The following GSK3B variants were observed in gnomAD, a reference collection of about 807,000 sequenced individuals.
GSK3B encodes glycogen synthase kinase 3 beta.
A neutral mutation model predicts 56.4 loss-of-function variants in GSK3B; 15 were observed. The observed-to-expected ratio is 0.27, with a 90% confidence interval of 0.18 to 0.41. GSK3B has a LOEUF of 0.41. Ranked by LOEUF, GSK3B falls within the 10% of genes least tolerant of loss-of-function variation. The pLI, the probability that GSK3B is intolerant of heterozygous loss-of-function variation, is 1.00. For missense variants in GSK3B, 300 were observed against 513.4 expected, an observed-to-expected ratio of 0.58 and a Z score of 4.02; for synonymous variants, 181 against 188.9, an observed-to-expected ratio of 0.96 and a Z score of 0.34.
intron 2 of GSK3B, among the ~76,000 whole-genome samples, chr3:119,961,895 A>T (rs6774210): frequency 0.8 from 122,155 of 152,180 alleles, 49,954 homozygotes; most frequent in East Asian, 0.97. Context: ...AGGCTATGCG[A>T]TACATGACTT....
At chr3:119,862,524 T>TAAAAAAAAAAA (rs5852229) in intron 9 of GSK3B, among the ~76,000 whole-genome samples, 2 of 111,836 alleles carry the variant, frequency 1.8e-5, no homozygotes, top group Non-Finnish European at 3.5e-5. Flanking sequence ...TAGAGTATAA[T>TAAAAAAAAAAA]AAAAAAAAAA....
intron 1 of GSK3B, among the ~76,000 whole-genome samples, chr3:120,088,737 G>A (rs769768192): frequency 2.0e-5 from 3 of 152,128 alleles, no homozygotes; most frequent in South Asian, 2.1e-4. Context: ...CGGGGAACCC[G>A]GTTGGTCCTG....
intron 7 of GSK3B, among the ~76,000 whole-genome samples, chr3:119,880,685 A>T (rs540311219): frequency 6.6e-6 from 1 of 152,340 alleles, no homozygotes; most frequent in East Asian, 1.9e-4. Context: ...ATGTTATTGG[A>T]AAGAAAATAA....
Position 120,025,055 on chromosome 3 carries a change from T to C in GSK3B, c.89-22816A>G, listed in dbSNP as rs60920248. On this transcript the variant is annotated intron_variant, in intron 1 of 10. Transcript: ENST00000264235. ...TCAGGAGATGGGGAGTGACTGCTAA[T>C]GGATAGTAAGATTCTTCTGGGGGCC... is the stretch of plus-strand genomic sequence containing the variant. 1.1e-4 allele frequency among the ~76,000 whole-genome samples: 17 copies of C among 152,244 alleles called. No homozygotes were observed. In the East Asian group the frequency reaches 3.1e-3, roughly 28 times the overall value.
At chr3:119,839,362 G>A (rs1284277957) in intron 10 of GSK3B, among the ~76,000 whole-genome samples, 3 of 152,228 alleles carry the variant, frequency 2.0e-5, no homozygotes, top group South Asian at 4.1e-4. Flanking sequence ...TTGTCAATAT[G>A]CTTTGTTTTT....
intron 2 of GSK3B, among the ~76,000 whole-genome samples, chr3:119,989,235 A>G (rs2057541968): frequency 6.6e-6 from 1 of 152,188 alleles, no homozygotes; most frequent in African/African-American, 2.4e-5. Flanking sequence ...GGTAATTAAA[A>G]TGGTACCTGT....
chr3:119,998,779 C>G (rs547917651), intron 2 of GSK3B, among the ~76,000 whole-genome samples: 1 of 151,992 alleles, frequency 6.6e-6, no homozygotes. Context: ...TAGTGAGATG[C>G]GTCTCTACAA....
chr3:119,962,869 G>C (rs1001513270), intron 2 of GSK3B, among the ~76,000 whole-genome samples: 7 of 152,148 alleles, frequency 4.6e-5, no homozygotes, highest in African/African-American at 9.7e-5. Context: ...CTCGCATGCG[G>C]ATGTCACAAT....
At chr3:120,071,212 AAAC>A (rs1312525511) in intron 1 of GSK3B, among the ~76,000 whole-genome samples, 2 of 152,218 alleles carry the variant, frequency 1.3e-5, no homozygotes, top group African/African-American at 4.8e-5. Context: ...TTAAATAAAA[AAAC>A]AACAACTTTA....
At chr3:120,006,410 G>A (rs561319291) in intron 1 of GSK3B, among the ~76,000 whole-genome samples, 31 of 152,182 alleles carry the variant, frequency 2.0e-4, no homozygotes, top group Admixed American at 3.9e-4. Flanking sequence ...TGGACCAAGC[G>A]GACCTAATAG....
chr3:120,012,133 T>C (rs1284107779), intron 1 of GSK3B, among the ~76,000 whole-genome samples: 1 of 152,360 alleles, frequency 6.6e-6, no homozygotes, highest in Middle Eastern at 3.4e-3. Context: ...AGAGACACTT[T>C]GGCAACATTA....
At chr3:119,912,453 A>C (rs2056743707) in intron 6 of GSK3B, among the ~76,000 whole-genome samples, 1 of 151,984 alleles carries the variant, frequency 6.6e-6, no homozygotes, top group Admixed American at 6.6e-5. Context: ...TTATAAAACT[A>C]GTGTGGGCAG....
intron 3 of GSK3B, among the ~76,000 whole-genome samples, chr3:119,937,995 G>C (rs745879836): frequency 6.6e-6 from 1 of 150,424 alleles, no homozygotes; most frequent in Non-Finnish European, 1.5e-5. Flanking sequence ...ACAAATAATC[G>C]TATGTTAACA....
At chr3:119,923,926 T>A (rs1019477423) in intron 3 of GSK3B, among the ~76,000 whole-genome samples, 1 of 152,202 alleles carries the variant, frequency 6.6e-6, no homozygotes, top group African/African-American at 2.4e-5. Context: ...TGCAAGTCAC[T>A]TGCATCTCTA....
At chr3:119,897,092 T>A (rs1231745974) in intron 7 of GSK3B, among the ~76,000 whole-genome samples, 1 of 152,164 alleles carries the variant, frequency 6.6e-6, no homozygotes, top group Non-Finnish European at 1.5e-5. Context: ...AAATAAAACA[T>A]CACTGGCAAA....
intron 5 of GSK3B, among the ~76,000 whole-genome samples, chr3:119,913,308 T>C (rs896233891): frequency 2.0e-5 from 3 of 152,172 alleles, no homozygotes; most frequent in African/African-American, 7.2e-5. Context: ...TATTTTTCCA[T>C]ATCTTGGTCA....
At chr3:119,911,926 A>G (rs965838959) in intron 6 of GSK3B, among the ~76,000 whole-genome samples, 1 of 152,170 alleles carries the variant, frequency 6.6e-6, no homozygotes, top group Non-Finnish European at 1.5e-5. Flanking sequence ...TCCCTGTAAC[A>G]GCAATAAGGC....
intron 1 of GSK3B, among the ~76,000 whole-genome samples, chr3:120,047,484 T>C (rs1189132503): frequency 6.6e-6 from 1 of 152,184 alleles, no homozygotes; most frequent in Non-Finnish European, 1.5e-5. Context: ...TTAAAAGTAG[T>C]GTAAGTCTCA....
intron 2 of GSK3B, among the ~76,000 whole-genome samples, chr3:119,993,207 T>C (rs1471589482): frequency 6.6e-6 from 1 of 150,678 alleles, no homozygotes; most frequent in Non-Finnish European, 1.5e-5. Context: ...TGAGGAAAAG[T>C]AAGCCAGAAC....
Sources: allele counts gnomAD v4.1 joint callset (sites outside exome capture counted in the v4.1 genomes callset), GRCh38; gene constraint gnomAD v4.1.1; transcripts MANE v1.5; gene names NCBI Gene and HGNC (gene_info 2026-07-23, HGNC 2026-07-21).